Variants in MYO9A observed in about 807,000 individuals in gnomAD.
MYO9A encodes unconventional myosin-IXa.
MYO9A carries 103 observed loss-of-function variants against 293.3 expected under a neutral mutation model. The observed-to-expected ratio is 0.35, with a 90% CI of 0.30 to 0.41. The LOEUF is 0.41. Among genes scored for constraint, MYO9A ranks in the 10% least tolerant of loss-of-function variants. The pLI, the probability that MYO9A is intolerant of heterozygous loss-of-function variation, is 1.00. For missense variants in MYO9A, 2,685 were observed against 3,033.0 expected, an observed-to-expected ratio of 0.89 and a Z score of 2.69; for synonymous variants, 1,001 against 1,035.7, an observed-to-expected ratio of 0.97 and a Z score of 0.64.
At chr15:71,831,405 G>A (rs2054721086) in intron 39 of MYO9A, among the ~76,000 whole-genome samples, 1 of 152,210 alleles carries the variant, frequency 6.6e-6, no homozygotes, top group South Asian at 2.1e-4. Flanking sequence ...GTCCTTTACA[G>A]AAAAAGTCTG....
In MYO9A at chr15:72,105,523, T is replaced by C. The variant is rs1042113521; in HGVS notation, c.-72+12157A>G. 2.5e-4 allele frequency among the ~76,000 whole-genome samples: 38 copies of C among 150,508 alleles called. 1 individual carries two copies. In the East Asian group the frequency reaches 2.7e-3, roughly 11 times the overall value. On this transcript the variant is annotated intron_variant, in intron 1 of 41. Coordinates refer to ENST00000356056, the MANE Select transcript of MYO9A (RefSeq NM_006901.4). ...AAAGCTTTTTTTTTTTTTTTTTTTTTTTTGAGACAGTTTCCCTCTTGTTGC... is the reference window on the plus strand; with the variant it reads ...AAAGCTTTTTTTTTTTTTTTTTTTTCTTTGAGACAGTTTCCCTCTTGTTGC...
chr15:72,017,624 T>C (rs1327540130), intron 6 of MYO9A, among the ~76,000 whole-genome samples: 1 of 152,198 alleles, frequency 6.6e-6, no homozygotes. Flanking sequence ...TATGTAATAG[T>C]AATACAATTA....
At chr15:71,988,272 T>C (rs964016479) in intron 11 of MYO9A, among the ~76,000 whole-genome samples, 1 of 152,206 alleles carries the variant, frequency 6.6e-6, no homozygotes, top group Admixed American at 6.5e-5. Flanking sequence ...GTAAGAGTTT[T>C]GGACTGATTC....
intron 20 of MYO9A, 41 bp downstream of exon 20, chr15:71,904,885 G>T (rs755791503): frequency 1.4e-6 from 2 of 1,433,980 alleles, no homozygotes; most frequent in African/African-American, 2.8e-5. Flanking sequence ...TCAGTTTGAA[G>T]TAAGCTGAGA....
intron 18 of MYO9A, among the ~76,000 whole-genome samples, chr15:71,922,199 G>C (rs969583201): frequency 6.6e-6 from 1 of 152,092 alleles, no homozygotes; most frequent in Non-Finnish European, 1.5e-5. Context: ...GGCTGGTCTC[G>C]AACTCCTGAG....
intron 18 of MYO9A, among the ~76,000 whole-genome samples, chr15:71,924,087 G>A (rs945399706): frequency 6.6e-6 from 1 of 151,434 alleles, no homozygotes; most frequent in South Asian, 2.1e-4. Context: ...TTCCCTTTTA[G>A]TATCTCCTTT....
chr15:71,959,687 C>T, intron 14 of MYO9A: 1 of 540,468 alleles, frequency 1.9e-6, no homozygotes. Context: ...ACTTTATCCT[C>T]ATTATTTTAA....
intron 16 of MYO9A, 78 bp from the exon 17 acceptor site, chr15:71,935,562 T>C (rs901391967): frequency 1.4e-5 from 19 of 1,333,160 alleles, no homozygotes; most frequent in Non-Finnish European, 1.9e-5. Flanking sequence ...AATAAAACTT[T>C]AAATACTAAA....
chr15:71,880,721 A>C (rs1051865189), intron 28 of MYO9A, among the ~76,000 whole-genome samples, 163 bp from the exon 29 acceptor site: 3 of 152,258 alleles, frequency 2.0e-5, no homozygotes, highest in Admixed American at 2.0e-4. Flanking sequence ...GCTAAGCAAT[A>C]AATCCAGACA....
intron 18 of MYO9A, among the ~76,000 whole-genome samples, chr15:71,927,013 C>T (rs932199407): frequency 6.6e-6 from 1 of 151,954 alleles, no homozygotes; most frequent in Non-Finnish European, 1.5e-5. Flanking sequence ...AGTACAAATC[C>T]ACTCATCATG....
intron 39 of MYO9A, among the ~76,000 whole-genome samples, chr15:71,832,362 T>C (rs1234438057): frequency 6.6e-6 from 1 of 151,994 alleles, no homozygotes; most frequent in Non-Finnish European, 1.5e-5. Flanking sequence ...TAAGAAAGCC[T>C]ACAACCCCTA....
rs1397087514 is a variant in MYO9A, at chr15:72,093,644, T to C, written c.-72+24036A>G. Among the ~76,000 whole-genome samples the C allele has an allele frequency of 5.6e-5, 8 of 143,066 alleles. No homozygotes were observed. The Admixed American group carries it at 5.8e-4, about 10-fold the overall frequency. 93.9% of individuals were successfully genotyped at this position (143,066 alleles called of 152,430 possible). On this transcript the variant is annotated intron_variant, in intron 1 of 41. Coordinates refer to ENST00000356056, the MANE Select transcript of MYO9A (RefSeq NM_006901.4). ...GCTCAAGCCTGTAATCCCAACATTT[T>C]GGGAGGCTGAGATGGGTGGATCACT...
At chr15:71,877,400 C>T (rs911818904) in intron 31 of MYO9A, among the ~76,000 whole-genome samples, 18 of 152,076 alleles carry the variant, frequency 1.2e-4, no homozygotes, top group Non-Finnish European at 2.2e-4. Context: ...AAAGAGGCCA[C>T]TGGGTAATAC....
intron 1 of MYO9A, among the ~76,000 whole-genome samples, chr15:72,100,092 A>G (rs2080222167): frequency 2.0e-5 from 3 of 152,100 alleles, no homozygotes; most frequent in African/African-American, 7.2e-5. Flanking sequence ...CTAAAAAAAT[A>G]GAAAAATTAG....
At chr15:72,110,092 G>A (rs1470181054) in intron 1 of MYO9A, among the ~76,000 whole-genome samples, 1 of 151,024 alleles carries the variant, frequency 6.6e-6, no homozygotes, top group Non-Finnish European at 1.5e-5. Context: ...CCAGGAGCTT[G>A]AGTCCAGCCT....
chr15:71,907,396 A>G (rs1216751433), intron 19 of MYO9A, among the ~76,000 whole-genome samples: 2 of 141,656 alleles, frequency 1.4e-5, no homozygotes, highest in African/African-American at 5.2e-5. Context: ...TAGTGCCGCA[A>G]TAAACATACG....
intron 11 of MYO9A, among the ~76,000 whole-genome samples, chr15:71,985,282 GTCTC>G (rs956811710): frequency 3.3e-5 from 5 of 151,034 alleles, no homozygotes; most frequent in Admixed American, 6.6e-5. Flanking sequence ...GTCTCTGTCT[GTCTC>G]TCTCTCTCTC....
At chr15:72,087,874 C>T (rs1596544175) in intron 1 of MYO9A, among the ~76,000 whole-genome samples, 3 of 152,224 alleles carry the variant, frequency 2.0e-5, no homozygotes, top group South Asian at 4.1e-4. Flanking sequence ...CTGTGCTGTT[C>T]TCCCAAAATT....
chr15:71,941,944 G>T (rs2058787389), intron 15 of MYO9A, among the ~76,000 whole-genome samples: 1 of 151,828 alleles, frequency 6.6e-6, no homozygotes, highest in South Asian at 2.1e-4. Context: ...ATTTACTGAG[G>T]AATAAAAATA....
Sources: allele counts gnomAD v4.1 joint callset (sites outside exome capture counted in the v4.1 genomes callset), GRCh38; gene constraint gnomAD v4.1.1; transcripts MANE v1.5; gene names NCBI Gene and HGNC (gene_info 2026-07-23, HGNC 2026-07-21).